Variants in STK32B observed in about 807,000 individuals in gnomAD.
STK32B encodes serine/threonine kinase 32B.
Under a neutral mutation model 52.6 loss-of-function variants are expected in STK32B, and 43 were observed. That is an observed-to-expected ratio of 0.82 (90% CI 0.64 to 1.05). The LOEUF (loss-of-function observed/expected upper bound fraction) is 1.05, where lower values mean the gene tolerates loss of function less well. Among genes scored for constraint, STK32B ranks in the 50% least tolerant of loss-of-function variants. The pLI is 0.00. For missense variants in STK32B, 621 were observed against 534.6 expected, an observed-to-expected ratio of 1.16 and a Z score of -1.59; for synonymous variants, 238 against 204.3, an observed-to-expected ratio of 1.17 and a Z score of -1.41.
intron 3 of STK32B, among the ~76,000 whole-genome samples, chr4:5,316,199 A>ATTG: frequency 3.0e-5 from 3 of 98,406 alleles, no homozygotes; most frequent in African/African-American, 1.4e-4. Context: ...ATATTTAGAT[A>ATTG]TATAATATAT....
intron 11 of STK32B, among the ~76,000 whole-genome samples, chr4:5,481,450 ATTTG>A (rs1285851186): frequency 6.6e-6 from 1 of 151,938 alleles, no homozygotes; most frequent in African/African-American, 2.4e-5. Flanking sequence ...TTTCTTGTAA[ATTTG>A]TTTGAGTTCA....
At position 5,100,752 on chromosome 4, in the gene STK32B, C is replaced by CTTTCTTT; in HGVS notation, c.53-39153_53-39152insTTTCTTT. On this transcript the variant is annotated intron_variant, in intron 1 of 11. Transcript: ENST00000282908. Reference sequence around the variant, plus strand: ...CTTCTTCCTTCTCTTCCTCCCTCCTCCCTCCCTCCTCCCTCCCTCCTTCCC... The same window carrying CTTTCTTT: ...CTTCTTCCTTCTCTTCCTCCCTCCTCTTTCTTTCCTCCCTCCTCCCTCCCTCCTTCCC... Among the ~76,000 whole-genome samples, 2 of 118,386 alleles carry CTTTCTTT rather than the reference C, an allele frequency of 1.7e-5. 1 individual carries two copies. The highest frequency in any genetic ancestry group is 1.9e-4 in the Admixed American group (2 of 10,616). 77.7% of individuals were successfully genotyped at this position (118,386 alleles called of 152,430 possible).
chr4:5,106,308 A>T (rs1714105098), intron 1 of STK32B, among the ~76,000 whole-genome samples: 1 of 152,144 alleles, frequency 6.6e-6, no homozygotes, highest in Admixed American at 6.5e-5. Flanking sequence ...CTCAAAAAAA[A>T]CTTTTTCTTT....
intron 4 of STK32B, among the ~76,000 whole-genome samples, chr4:5,391,862 G>A (rs1160982600): frequency 6.6e-6 from 1 of 152,176 alleles, no homozygotes; most frequent in Non-Finnish European, 1.5e-5. Flanking sequence ...GCACTTGGCG[G>A]TTATCATTAA....
rs940658123 is a variant in STK32B at position 5,399,087 on chromosome 4, C to T, written c.472+843C>T. Among the ~76,000 whole-genome samples the T allele has an allele frequency of 6.6e-6, 1 of 152,204 alleles. No individual in the cohort carries two copies. Among genetic ancestry groups the T allele is most frequent in the East Asian group, 1.9e-4 (1 of 5,192 alleles). On this transcript the variant is annotated intron_variant, in intron 5 of 11. Coordinates refer to ENST00000282908, the MANE Select transcript of STK32B (RefSeq NM_018401.3). The surrounding 1 kb of genome is among the most constrained non-coding windows in gnomAD (Gnocchi z 5.4). ...GAGCCTAGGGCTCAGATCAAGAATG[C>T]TCAGTGGACTTGACAATCAATTGTG...
intron 3 of STK32B, among the ~76,000 whole-genome samples, chr4:5,173,562 C>G (rs1364530857): frequency 6.6e-6 from 1 of 152,014 alleles, no homozygotes; most frequent in South Asian, 2.1e-4. Context: ...TCGTTATGTA[C>G]CCAGTAGTCA....
chr4:5,194,119 C>T (rs763139806), intron 3 of STK32B, among the ~76,000 whole-genome samples: 7 of 152,200 alleles, frequency 4.6e-5, no homozygotes, highest in Non-Finnish European at 8.8e-5. Context: ...TTGATTTCAG[C>T]ACAGCCCCTT....
intron 4 of STK32B, among the ~76,000 whole-genome samples, chr4:5,392,563 CAG>C (rs755956004): frequency 1.3e-5 from 2 of 152,138 alleles, no homozygotes; most frequent in Non-Finnish European, 2.9e-5. Context: ...TCCCCACCCA[CAG>C]AGAGAGAACA....
At chr4:5,411,880 G>C (rs903219611) in intron 5 of STK32B, among the ~76,000 whole-genome samples, 9 of 152,170 alleles carry the variant, frequency 5.9e-5, no homozygotes, top group African/African-American at 2.2e-4. Context: ...AACTGACTAA[G>C]ACATAGAGAT....
chr4:5,286,703 T>G (rs904292412), intron 3 of STK32B, among the ~76,000 whole-genome samples: 1 of 152,126 alleles, frequency 6.6e-6, no homozygotes, highest in African/African-American at 2.4e-5. Context: ...TCTGTTGGAA[T>G]TCAAAATAGG....
At chr4:5,331,161 T>G in intron 3 of STK32B, 59 bp from the exon 4 acceptor site, 1 of 1,507,674 alleles carries the variant, frequency 6.6e-7, no homozygotes, top group Non-Finnish European at 9.0e-7. Flanking sequence ...GAGGCATTGG[T>G]CTTGAGGGTG....
At chr4:5,275,301 T>A (rs565924449) in intron 3 of STK32B, among the ~76,000 whole-genome samples, 11 of 152,258 alleles carry the variant, frequency 7.2e-5, no homozygotes, top group Non-Finnish European at 1.3e-4. Flanking sequence ...ATAGAACGAA[T>A]TGATTTTGTT....
intron 6 of STK32B, among the ~76,000 whole-genome samples, chr4:5,423,631 C>G (rs1412721094): frequency 6.6e-6 from 1 of 152,206 alleles, no homozygotes; most frequent in Non-Finnish European, 1.5e-5. Flanking sequence ...AGCTCACACT[C>G]TAGTTGCAGA....
intron 3 of STK32B, among the ~76,000 whole-genome samples, chr4:5,261,797 C>T (rs771136860): frequency 3.9e-5 from 6 of 152,094 alleles, no homozygotes; most frequent in African/African-American, 1.4e-4. Context: ...CTATTGCCAA[C>T]ATTATCTTAA....
Position 5,453,713 on chromosome 4 carries a change from G to C in STK32B, c.667-3094G>C, listed in dbSNP as rs1389246439. On this transcript the variant is annotated intron_variant, in intron 7 of 11. Transcript: ENST00000282908. This position sits in a 1 kb window ranked among gnomAD's most constrained non-coding sequence, Gnocchi z 4.0. The stretch of plus-strand genomic sequence containing the variant: ...GAGGTGAGGAGTTCGAGACCAACCT[G>C]GCCAACATGGTAAAACCCGGTCTCT... 6.6e-6 allele frequency among the ~76,000 whole-genome samples: 1 copy of C among 152,086 alleles called. No individual in the cohort carries two copies. The highest frequency in any genetic ancestry group is 1.5e-5 in the Non-Finnish European group (1 of 68,020).
chr4:5,463,777 G>A (rs776144322), intron 9 of STK32B, among the ~76,000 whole-genome samples: 2 of 152,100 alleles, frequency 1.3e-5, no homozygotes, highest in Non-Finnish European at 2.9e-5. Context: ...TGCACAGGCC[G>A]CTTTCTCTTC....
At position 5,401,832 on chromosome 4, in the gene STK32B, C is replaced by T. The variant is rs2009156; in HGVS notation, c.472+3588C>T. Among the ~76,000 whole-genome samples, 949 of 152,306 alleles carry T rather than the reference C, an allele frequency of 6.2e-3. 8 individuals carry two copies. Among genetic ancestry groups the T allele is most frequent in the African/African-American group, 0.022 (898 of 41,556 alleles). On this transcript the variant is annotated intron_variant, in intron 5 of 11. Coordinates refer to ENST00000282908, the MANE Select transcript of STK32B (RefSeq NM_018401.3). ...TAAATCGCATAAACAAAAAACATCC[C>T]GTTAGCTCACAGCATCCTGGGGTTG...
chr4:5,486,341 G>C (rs1298362080), intron 11 of STK32B, among the ~76,000 whole-genome samples: 2 of 152,198 alleles, frequency 1.3e-5, no homozygotes, highest in East Asian at 3.9e-4. Flanking sequence ...TCAGACTGCT[G>C]TGGTAGCAAT....
At chr4:5,409,120 A>T (rs1054194280) in intron 5 of STK32B, among the ~76,000 whole-genome samples, 1 of 152,116 alleles carries the variant, frequency 6.6e-6, no homozygotes, top group Non-Finnish European at 1.5e-5. Flanking sequence ...TTCTGCCCCC[A>T]AAAAGATGGC....
Sources: gnomAD v4.1 joint callset for allele counts (sites outside exome capture counted in the v4.1 genomes callset) on GRCh38, gnomAD v4.1.1 for gene constraint, Gnocchi (gnomAD v3.1) non-coding constraint, MANE v1.5 for transcripts, NCBI Gene and HGNC (gene_info 2026-07-23, HGNC 2026-07-21) for gene names.